SYN3: variants seen among roughly 807,000 people sequenced by gnomAD.
The protein encoded by SYN3 is synapsin III.
SYN3 carries 35 observed loss-of-function variants against 65.8 expected under a neutral mutation model. That is an observed-to-expected ratio of 0.53 (90% CI 0.41 to 0.70). The LOEUF (loss-of-function observed/expected upper bound fraction) is 0.70, where lower values mean the gene tolerates loss of function less well. Ranked by LOEUF, SYN3 falls within the 30% of genes least tolerant of loss-of-function variation. The probability of loss-of-function intolerance (pLI) is 0.00; values close to 1 mark genes in which losing one functional copy is unlikely to be tolerated. For missense variants in SYN3, 680 were observed against 749.0 expected (o/e 0.91, Z 1.08); for synonymous variants, 270 against 292.9 (o/e 0.92, Z 0.80).
intron 6 of SYN3, among the ~76,000 whole-genome samples, chr22:32,849,218 C>A (rs1315846761): frequency 6.6e-6 from 1 of 152,158 alleles, no homozygotes; most frequent in Non-Finnish European, 1.5e-5. Flanking sequence ...CTGGAGCTGG[C>A]AATTGTGAAT....
chr22:32,531,404 C>T (rs575316907), intron 10 of SYN3, among the ~76,000 whole-genome samples: 74 of 152,240 alleles, frequency 4.9e-4, no homozygotes, highest in Non-Finnish European at 9.6e-4. Flanking sequence ...CTGTTTCCTA[C>T]ATTCCCTGCA....
intron 4 of SYN3, among the ~76,000 whole-genome samples, chr22:32,889,795 T>C (rs894488072): frequency 1.3e-5 from 2 of 152,124 alleles, no homozygotes; most frequent in Non-Finnish European, 2.9e-5. Context: ...CAAAGACTTC[T>C]GGGGAAAATG....
chr22:32,683,516 G>A (rs956424161), intron 6 of SYN3, among the ~76,000 whole-genome samples: 1 of 152,160 alleles, frequency 6.6e-6, no homozygotes, highest in Non-Finnish European at 1.5e-5. Context: ...CTGGAGGCTG[G>A]AAGTCTGAAA....
chr22:32,809,467 C>A (rs771520297), intron 6 of SYN3, among the ~76,000 whole-genome samples: 4 of 152,080 alleles, frequency 2.6e-5, no homozygotes, highest in Non-Finnish European at 5.9e-5. Context: ...CATAACCAAG[C>A]CTTACCTCCT....
At chr22:32,921,398 A>G (rs2050330384) in intron 4 of SYN3, among the ~76,000 whole-genome samples, 1 of 152,226 alleles carries the variant, frequency 6.6e-6, no homozygotes, top group Admixed American at 6.5e-5. Flanking sequence ...CAACACTCCC[A>G]TACTGTACCC....
At chr22:32,569,683 A>C (rs768722310) in intron 7 of SYN3, among the ~76,000 whole-genome samples, 5 of 151,930 alleles carry the variant, frequency 3.3e-5, no homozygotes, top group Non-Finnish European at 5.9e-5. Context: ...TATGGCTTTG[A>C]GCATGGTTTG....
chr22:33,011,383 T>C (rs2053347390), intron 1 of SYN3, among the ~76,000 whole-genome samples: 1 of 152,216 alleles, frequency 6.6e-6, no homozygotes, highest in Non-Finnish European at 1.5e-5. Context: ...TACTGATTGA[T>C]TTTTAAATGT....
chr22:32,581,559 C>G (rs887508968), intron 7 of SYN3, among the ~76,000 whole-genome samples: 2 of 152,050 alleles, frequency 1.3e-5, no homozygotes, highest in African/African-American at 4.8e-5. Context: ...TCAATGGTCC[C>G]CTATACAGAG....
chr22:32,713,830 CAAAA>C (rs5845019), intron 6 of SYN3, among the ~76,000 whole-genome samples: 4 of 105,842 alleles, frequency 3.8e-5, no homozygotes, highest in Non-Finnish European at 4.4e-5. Flanking sequence ...GACCCCGTCT[CAAAA>C]AAAAAAAAAA....
At chr22:33,009,831 G>A (rs1010123143) in intron 1 of SYN3, among the ~76,000 whole-genome samples, 6 of 146,926 alleles carry the variant, frequency 4.1e-5, no homozygotes, top group African/African-American at 2.5e-5. Flanking sequence ...TATATATAAA[G>A]TCTTATATAT....
At chr22:32,858,028 G>A (rs1383753640) in intron 6 of SYN3, 1 of 1,614,194 alleles carries the variant, frequency 6.2e-7, no homozygotes, top group Non-Finnish European at 8.5e-7. Context: ...TCGCGTCTAT[G>A]ATGGCAAGAT....
intron 4 of SYN3, among the ~76,000 whole-genome samples, chr22:32,879,760 ATAG>A (rs369740247): frequency 1.3e-4 from 20 of 152,366 alleles, no homozygotes; most frequent in Middle Eastern, 3.4e-3. Context: ...TGTTAAGCAC[ATAG>A]TAGGTACTCA....
At chr22:32,780,853 A>T (rs902685913) in intron 6 of SYN3, among the ~76,000 whole-genome samples, 1 of 152,152 alleles carries the variant, frequency 6.6e-6, no homozygotes, top group Admixed American at 6.5e-5. Context: ...TACCCAGCGT[A>T]ATAAGCACTT....
At position 32,866,601 on chromosome 22, in the gene SYN3, G is replaced by A. The variant is rs138348644; in HGVS notation, c.622-1597C>T. 1.5e-3 allele frequency among the ~76,000 whole-genome samples: 225 copies of A among 152,284 alleles called. 2 individuals are homozygous for A. The highest frequency in any genetic ancestry group is 0.014 in the South Asian group (66 of 4,822). ...GCTAAGAATTAAACACAATATGCACGTTAAGGGCTCAGGATAGCACACGGC... is the reference window on the plus strand; with the variant it reads ...GCTAAGAATTAAACACAATATGCACATTAAGGGCTCAGGATAGCACACGGC... On this transcript the variant is annotated intron_variant, in intron 5 of 13. Transcript: ENST00000358763.
At chr22:32,671,196 T>C (rs1339572073) in intron 6 of SYN3, among the ~76,000 whole-genome samples, 1 of 152,054 alleles carries the variant, frequency 6.6e-6, no homozygotes. Flanking sequence ...GGATCCTCAC[T>C]AGATCTTCTT....
At chr22:32,852,648 T>C (rs1039739828) in intron 6 of SYN3, among the ~76,000 whole-genome samples, 1 of 152,144 alleles carries the variant, frequency 6.6e-6, no homozygotes, top group African/African-American at 2.4e-5. Context: ...CTCTCACTGA[T>C]GGAAGGCAGG....
chr22:32,804,305 C>T (rs1397644530), intron 6 of SYN3, among the ~76,000 whole-genome samples: 10 of 152,276 alleles, frequency 6.6e-5, no homozygotes, highest in Admixed American at 2.6e-4. Flanking sequence ...CCTCGCCTTG[C>T]ACAGCACCCT....
At chr22:32,979,255 ACAGG>A (rs945381701) in intron 3 of SYN3, among the ~76,000 whole-genome samples, 14 of 152,050 alleles carry the variant, frequency 9.2e-5, no homozygotes, top group African/African-American at 2.9e-4. Context: ...CTCCTAGACC[ACAGG>A]CATTTGGAGA....
chr22:32,657,246 C>T (rs1209301803), intron 6 of SYN3, among the ~76,000 whole-genome samples: 1 of 152,158 alleles, frequency 6.6e-6, no homozygotes, highest in Non-Finnish European at 1.5e-5. Context: ...GTCTCAGCCT[C>T]CTGAGTAGCT....
Sources: allele counts gnomAD v4.1 joint callset (sites outside exome capture counted in the v4.1 genomes callset), GRCh38; gene constraint gnomAD v4.1.1; transcripts MANE v1.5; gene names NCBI Gene and HGNC (gene_info 2026-07-23, HGNC 2026-07-21).